The following EPS15L1 variants were observed in gnomAD, a reference collection of about 807,000 sequenced individuals.
EPS15L1 encodes the protein epidermal growth factor receptor substrate 15-like 1.
Under a neutral mutation model 117.1 loss-of-function variants are expected in EPS15L1, and 43 were observed. The ratio of observed to expected loss-of-function variants is 0.37; its 90% confidence interval spans 0.29 to 0.47. EPS15L1 has a LOEUF of 0.47. EPS15L1 is among the 20% of genes least tolerant of loss of function. The probability of loss-of-function intolerance (pLI) is 0.99; values close to 1 mark genes in which losing one functional copy is unlikely to be tolerated. For synonymous variants in EPS15L1, 459 were observed against 470.5 expected (o/e 0.98, Z 0.32); for missense variants, 981 against 1,164.0 (o/e 0.84, Z 2.29).
intron 1 of EPS15L1, among the ~76,000 whole-genome samples, chr19:16,452,061 C>T (rs555269167): frequency 2.0e-5 from 3 of 151,664 alleles, no homozygotes; most frequent in Admixed American, 1.3e-4. Flanking sequence ...AATGCTTAAA[C>T]CCAGGAGGCG....
At position 16,377,128 on chromosome 19, in the gene EPS15L1, G is replaced by A. The variant is rs766977653; in HGVS notation, c.2374C>T (p.Pro792Ser). 2 of 1,600,808 alleles carry A rather than the reference G, an allele frequency of 1.2e-6. No homozygotes were observed. Among genetic ancestry groups the A allele is most frequent in the South Asian group, 2.2e-5 (2 of 89,344 alleles). The change falls in exon 22 of 24, where the codon CCC (proline) becomes TCC (serine). Residue 792 changes from proline to serine, a missense_variant. Transcript: ENST00000455140. ...GAGAAGAAAGCTTACTGACCGCTGG[G>A]CGGTTTAGGCCGTGGAGGAGCAGGT... The part of the protein sequence containing the change: ...KKPAPPRPKP[P>S]SGKSTPVSQL...
intron 17 of EPS15L1, 121 bp from the exon 18 acceptor site, chr19:16,394,122 G>GT: frequency 2.4e-6 from 2 of 844,212 alleles, no homozygotes; most frequent in African/African-American, 1.7e-5. Flanking sequence ...AGTGTAGGGA[G>GT]AGAATGTTAG....
chr19:16,378,772 G>A (rs938526322), intron 21 of EPS15L1, among the ~76,000 whole-genome samples: 2 of 152,222 alleles, frequency 1.3e-5, no homozygotes, highest in Non-Finnish European at 2.9e-5. Flanking sequence ...CTGAGGGAAG[G>A]GGCTGGGGTG....
chr19:16,464,914 C>T (rs546179722), intron 1 of EPS15L1, among the ~76,000 whole-genome samples: 45 of 152,128 alleles, frequency 3.0e-4, no homozygotes, highest in African/African-American at 9.9e-4. Context: ...CCCGTCTCTA[C>T]TAAAAATACA....
chr19:16,444,804 G>A (rs1443317159), intron 1 of EPS15L1, among the ~76,000 whole-genome samples: 7 of 149,464 alleles, frequency 4.7e-5, no homozygotes, highest in Non-Finnish European at 1.0e-4. Flanking sequence ...TCAGCTCATT[G>A]CAATCTCTGA....
At chr19:16,401,488 T>A in intron 16 of EPS15L1, 1 of 985,694 alleles carries the variant, frequency 1.0e-6, no homozygotes, top group Non-Finnish European at 1.2e-6. Flanking sequence ...CGGAGAGAGC[T>A]GCTGGAGGCA....
chr19:16,417,355 G>A (rs1204387048), intron 12 of EPS15L1, 197 bp downstream of exon 12: 1 of 574,676 alleles, frequency 1.7e-6, no homozygotes, highest in Non-Finnish European at 3.2e-6. Flanking sequence ...GGCTCTGGCT[G>A]AGGCTGATTC....
chr19:16,417,645 T>C lies in EPS15L1; in HGVS notation c.1108-8A>G, dbSNP rs200246324. 1,804 of 1,613,044 alleles carry C rather than the reference T, an allele frequency of 1.1e-3. 14 individuals are homozygous for C. The highest frequency in any genetic ancestry group is 7.6e-3 in the Middle Eastern group (46 of 6,060). On this transcript the variant is annotated splice_polypyrimidine_tract_variant and splice_region_variant and intron_variant, in intron 11 of 23. Transcript: ENST00000455140. ...GAGAGAGCCTGAACTGTCCTAGAAT[T>C]GAATTCAGAGGCGAGATCTCTAATT...
At chr19:16,455,672 T>C (rs985058563) in intron 1 of EPS15L1, among the ~76,000 whole-genome samples, 2 of 152,244 alleles carry the variant, frequency 1.3e-5, no homozygotes, top group African/African-American at 2.4e-5. Context: ...GCTGGAATGC[T>C]GTGCAACCCT....
chr19:16,448,820 A>T (rs2093111803), intron 1 of EPS15L1, among the ~76,000 whole-genome samples: 1 of 151,776 alleles, frequency 6.6e-6, no homozygotes, highest in African/African-American at 2.4e-5. Flanking sequence ...ACAGAGCAAG[A>T]CTCCGTCTCA....
chr19:16,412,371 G>A (rs1188509532), intron 13 of EPS15L1, among the ~76,000 whole-genome samples: 2 of 151,834 alleles, frequency 1.3e-5, no homozygotes, highest in African/African-American at 2.4e-5. Flanking sequence ...ATGGTGGTGC[G>A]TGCCTGTAAT....
chr19:16,396,330 T>C (rs2092540330), intron 16 of EPS15L1, among the ~76,000 whole-genome samples: 1 of 152,188 alleles, frequency 6.6e-6, no homozygotes, highest in South Asian at 2.1e-4. Flanking sequence ...TGCACACTCA[T>C]GGGTTACTCC....
In EPS15L1 at chr19:16,392,365, T is replaced by C. The variant is rs2092486179; in HGVS notation, c.2042A>G (p.Gln681Arg). The C allele has an allele frequency of 6.2e-7, 1 of 1,614,200 alleles. No homozygotes were observed. The highest frequency in any genetic ancestry group is 8.5e-7 in the Non-Finnish European group (1 of 1,180,004). Residue 681 changes from glutamine (Q) to arginine (R), a missense_variant, in exon 19 of 24, where the codon CAG becomes CGG. By Grantham distance (43) the Gln-to-Arg change is conservative (BLOSUM62 1). Coordinates refer to ENST00000455140, the MANE Select transcript of EPS15L1 (RefSeq NM_001258374.3). ...GSATDDFFKK[Q>R]TKNDPFTSDP... ...CGAGGTAAATGGGTCATTCTTTGTC[T>C]GTTTCTTGAAGAAGTCGTCAGTGGC...
intron 9 of EPS15L1, among the ~76,000 whole-genome samples, chr19:16,424,721 C>T (rs567586618): frequency 2.6e-5 from 4 of 151,970 alleles, no homozygotes; most frequent in East Asian, 3.9e-4. Context: ...AGTGCAGTGG[C>T]GCGCTCTCAG....
At chr19:16,426,356 C>A (rs1410807882) in intron 8 of EPS15L1, among the ~76,000 whole-genome samples, 1 of 152,192 alleles carries the variant, frequency 6.6e-6, no homozygotes, top group Non-Finnish European at 1.5e-5. Context: ...ACGTTGAAAC[C>A]AGGCATGGTG....
At chr19:16,380,528 A>G (rs2092349575) in intron 21 of EPS15L1, among the ~76,000 whole-genome samples, 1 of 152,000 alleles carries the variant, frequency 6.6e-6, no homozygotes, top group Non-Finnish European at 1.5e-5. Flanking sequence ...CAGCCATCTA[A>G]GGCTCTAGCG....
At chr19:16,374,437 C>T (rs369921834) in intron 22 of EPS15L1, among the ~76,000 whole-genome samples, 3 of 152,192 alleles carry the variant, frequency 2.0e-5, no homozygotes, top group African/African-American at 4.8e-5. Context: ...CCCTAAAAAG[C>T]CTGAACCCTG....
rs934581749 is a variant in EPS15L1, at chr19:16,404,335, G to C, written c.1428+253C>G. 6.6e-6 allele frequency among the ~76,000 whole-genome samples: 1 copy of C among 152,160 alleles called. No individual in the cohort carries two copies. Among genetic ancestry groups the C allele is most frequent in the Non-Finnish European group, 1.5e-5 (1 of 68,026 alleles). On this transcript the variant is annotated intron_variant, in intron 14 of 23. Transcript: ENST00000455140. The surrounding 1 kb of genome is among the most constrained non-coding windows in gnomAD (Gnocchi z 4.2). ...TGTGTTGTGGGGCACAGCCAGGTGG[G>C]GTGTGTTCAGGGCACAAGTTCGCAG...
intron 19 of EPS15L1, 40 bp from the exon 20 acceptor site, chr19:16,386,271 T>C (rs745604551): frequency 2.6e-6 from 4 of 1,533,820 alleles, no homozygotes; most frequent in South Asian, 1.1e-5. Context: ...AAGCAGTTCG[T>C]TGGTTCCATC....
Sources: gnomAD v4.1 joint callset for allele counts (sites outside exome capture counted in the v4.1 genomes callset) on GRCh38, gnomAD v4.1.1 for gene constraint, Gnocchi (gnomAD v3.1) non-coding constraint, MANE v1.5 for transcripts, NCBI Gene and HGNC (gene_info 2026-07-23, HGNC 2026-07-21) for gene names.